The following YIPF6 variants were observed in gnomAD, a reference collection of about 807,000 sequenced individuals.
YIPF6 encodes protein YIPF6.
In YIPF6, 3 loss-of-function variants were observed where a neutral mutation model predicts 16.8. The ratio of observed to expected loss-of-function variants is 0.18; its 90% CI spans 0.08 to 0.46. The LOEUF (loss-of-function observed/expected upper bound fraction) is 0.46. YIPF6 is among the 20% of genes least tolerant of loss of function. The pLI is 0.98. For synonymous variants in YIPF6, 67 were observed against 61.9 expected (o/e 1.08, Z -0.38); for missense variants, 145 against 184.9 (o/e 0.78, Z 1.25).
intron 6 of YIPF6, among the ~76,000 whole-genome samples, chrX:68,527,729 C>T (rs1183744261): frequency 8.9e-6 from 1 of 111,764 alleles, no homozygotes; most frequent in Admixed American, 9.6e-5. Context: ...TCGTTGTTTA[C>T]CTAGTAGTCA....
intron 1 of YIPF6, among the ~76,000 whole-genome samples, chrX:68,507,301 A>C (rs2079063595): frequency 8.9e-6 from 1 of 112,109 alleles, no homozygotes; most frequent in East Asian, 2.8e-4. Context: ...CATTTTAACT[A>C]ATTTGGGAGA....
At position 68,533,861 on chromosome X, in the gene YIPF6, A is replaced by G. The variant is rs905874967; in HGVS notation, c.*1862A>G. ...TCCTGCTAAAACTCTCTTTCTGCCA[A>G]AGTTGTTTCGTAATCTGTCTCAATG... is the stretch of plus-strand genomic sequence containing the variant. On this transcript the variant is annotated 3_prime_UTR_variant, in exon 7 of 7. Transcript: ENST00000462683. The G allele has an allele frequency of 1.8e-5, 2 of 112,144 alleles. No homozygotes were observed. The highest frequency in any genetic ancestry group is 3.2e-5 in the African/African-American group (1 of 30,896). 9.2% of individuals were successfully genotyped at this position (112,144 alleles called of 1,213,427 possible). A position where few individuals can be genotyped will look rare whatever the true frequency, so the allele number is the denominator to read the frequency against.
intron 1 of YIPF6, among the ~76,000 whole-genome samples, chrX:68,506,826 C>T (rs755584020): frequency 5.4e-4 from 60 of 111,356 alleles, no homozygotes; most frequent in African/African-American, 1.8e-3. Flanking sequence ...TCATAGCACC[C>T]GCAGCCTTCA....
At chrX:68,521,668 G>A (rs2079126713) in intron 5 of YIPF6, among the ~76,000 whole-genome samples, 171 bp downstream of exon 5, 1 of 108,476 alleles carries the variant, frequency 9.2e-6, no homozygotes. Flanking sequence ...CTATCTCCCA[G>A]GCTCAGCGTC....
chrX:68,509,518 G>A (rs1470577969), intron 1 of YIPF6, among the ~76,000 whole-genome samples: 1 of 111,441 alleles, frequency 9.0e-6, no homozygotes, highest in Non-Finnish European at 1.9e-5. Context: ...TCCTCCAGCA[G>A]TAGACTGCTG....
intron 6 of YIPF6, 94 bp from the exon 7 acceptor site, chrX:68,531,787 T>C (rs1465570754): frequency 3.4e-6 from 2 of 586,576 alleles, no homozygotes; most frequent in African/African-American, 4.6e-5. Flanking sequence ...GTGTTCTAGA[T>C]GATGCCAAGC....
In YIPF6 at chrX:68,514,320, C is replaced by T. The variant is rs369083608; in HGVS notation, c.265+915C>T. 5.5e-5 allele frequency: 6 copies of T among 108,212 alleles called. No homozygotes were observed. In the East Asian group the frequency reaches 1.1e-3, roughly 21 times the overall value. The allele number at this position is 108,212 out of a possible 1,213,427, so 8.9% of individuals were successfully genotyped here. On this transcript the variant is annotated intron_variant, in intron 3 of 6. Transcript: ENST00000462683. ...TACATTTCTGGAGGCTGCTAATTTA[C>T]AATATTTACATTTATTACATAATAT...
At chrX:68,508,804 G>A (rs1395237544) in intron 1 of YIPF6, among the ~76,000 whole-genome samples, 2 of 111,850 alleles carry the variant, frequency 1.8e-5, no homozygotes. Flanking sequence ...TCATCTCAGA[G>A]CCTGGTTTTG....
At chrX:68,505,304 G>A (rs777723412) in intron 1 of YIPF6, among the ~76,000 whole-genome samples, 2 of 111,195 alleles carry the variant, frequency 1.8e-5, no homozygotes. Context: ...CAACTACTAG[G>A]GGGGCTGAGA....
At chrX:68,510,247 G>A (rs1447950266) in intron 1 of YIPF6, among the ~76,000 whole-genome samples, 1 of 111,735 alleles carries the variant, frequency 8.9e-6, no homozygotes, top group East Asian at 2.8e-4. Flanking sequence ...ATAGTCACTT[G>A]AAATAGGTGC....
At chrX:68,520,958 A>G (rs2079123285) in intron 4 of YIPF6, among the ~76,000 whole-genome samples, 1 of 111,471 alleles carries the variant, frequency 9.0e-6, no homozygotes, top group Non-Finnish European at 1.9e-5. Context: ...TAGAAAGTCT[A>G]ACAGTTTTTT....
In YIPF6 at chrX:68,519,042, G is replaced by A. The variant is rs182077795; in HGVS notation, c.308+230G>A. Reference sequence around the variant, plus strand: ...ACCAATGACATTTTAGTCTGTTTTAGCCATGTCTATTCAACAAACATTTAT... The same window carrying A: ...ACCAATGACATTTTAGTCTGTTTTAACCATGTCTATTCAACAAACATTTAT... On this transcript the variant is annotated intron_variant, in intron 4 of 6. Coordinates refer to ENST00000462683, the MANE Select transcript of YIPF6 (RefSeq NM_173834.4). Among the ~76,000 whole-genome samples, 23 of 111,834 alleles carry A rather than the reference G, an allele frequency of 2.1e-4. No homozygotes were observed. In the East Asian group the frequency reaches 5.9e-3, roughly 29 times the overall value.
In YIPF6 at chrX:68,533,751, G is replaced by A. The variant is rs2079180766; in HGVS notation, c.*1752G>A. On this transcript the variant is annotated 3_prime_UTR_variant, in exon 7 of 7. Coordinates refer to ENST00000462683, the MANE Select transcript of YIPF6 (RefSeq NM_173834.4). ...GAGCCAATGTTTCAATCTTGAATGA[G>A]TAAAGAAAATACTTTGGAACTGATC... is the stretch of plus-strand genomic sequence containing the variant. 1 of 111,937 alleles carries A rather than the reference G, an allele frequency of 8.9e-6. No individual in the cohort carries two copies. The highest frequency in any genetic ancestry group is 3.2e-5 in the African/African-American group (1 of 30,809). 9.2% of individuals were successfully genotyped at this position (111,937 alleles called of 1,213,427 possible).
At chrX:68,513,303 C>T in intron 2 of YIPF6, 24 bp from the exon 3 acceptor site, 2 of 1,181,751 alleles carry the variant, frequency 1.7e-6, no homozygotes, top group Non-Finnish European at 2.3e-6. Flanking sequence ...CATCACAATA[C>T]AACAAGTTGT....
At chrX:68,524,076 G>A (rs189373357) in intron 6 of YIPF6, among the ~76,000 whole-genome samples, 1 of 111,840 alleles carries the variant, frequency 8.9e-6, no homozygotes, top group Non-Finnish European at 1.9e-5. Context: ...ACATTTAAAG[G>A]CAATAGGTGT....
At chrX:68,504,608 T>C (rs1313195958) in intron 1 of YIPF6, among the ~76,000 whole-genome samples, 1 of 112,349 alleles carries the variant, frequency 8.9e-6, no homozygotes. Flanking sequence ...AAAGGCCAGC[T>C]AAATTCTTTA....
rs1602473461 is a variant in YIPF6, at chrX:68,532,262, A to T, written c.*263A>T. Reference sequence around the variant, plus strand: ...TACACACAGTATATAATGCCTCCTTAAGGCATGATGGAGTCACCGTGGTCC... The same window carrying T: ...TACACACAGTATATAATGCCTCCTTTAGGCATGATGGAGTCACCGTGGTCC... On this transcript the variant is annotated 3_prime_UTR_variant, in exon 7 of 7. Transcript: ENST00000462683. 2 of 214,231 alleles carry T rather than the reference A, an allele frequency of 9.3e-6. No homozygotes were observed. The highest frequency in any genetic ancestry group is 1.5e-4 in the Admixed American group (2 of 13,749). The allele number at this position is 214,231 out of a possible 1,213,427, so 17.7% of individuals were successfully genotyped here.
chrX:68,531,120 G>T (rs2079169565), intron 6 of YIPF6, among the ~76,000 whole-genome samples: 1 of 109,955 alleles, frequency 9.1e-6, no homozygotes, highest in Non-Finnish European at 1.9e-5. Context: ...TTTTTTGTTT[G>T]TTTGTTTGTT....
chrX:68,522,489 C>T (rs1398335207), intron 5 of YIPF6, among the ~76,000 whole-genome samples: 1 of 109,610 alleles, frequency 9.1e-6, no homozygotes, highest in Non-Finnish European at 1.9e-5. Context: ...TTAGTAGAGA[C>T]GGGGTTTCAC....
Sources: gnomAD v4.1 joint callset for allele counts (sites outside exome capture counted in the v4.1 genomes callset) on GRCh38, gnomAD v4.1.1 for gene constraint, MANE v1.5 for transcripts, NCBI Gene and HGNC (gene_info 2026-07-23, HGNC 2026-07-21) for gene names.